The following PRKCA variants were observed in gnomAD, a reference collection of about 807,000 sequenced individuals.
PRKCA encodes protein kinase C alpha type.
In PRKCA, 27 loss-of-function variants were observed where a neutral mutation model predicts 87.0. That is an observed-to-expected ratio of 0.31 (90% CI 0.23 to 0.43). The LOEUF is 0.43. PRKCA is among the 20% of genes least tolerant of loss of function. PRKCA has a pLI of 1.00. For missense variants in PRKCA, 518 were observed against 852.3 expected (o/e 0.61, Z 4.88); for synonymous variants, 329 against 311.1 (o/e 1.06, Z -0.61).
intron 3 of PRKCA, among the ~76,000 whole-genome samples, chr17:66,636,050 C>T (rs911189213): frequency 6.6e-6 from 1 of 152,130 alleles, no homozygotes; most frequent in Non-Finnish European, 1.5e-5. Flanking sequence ...CTCCTGCCTC[C>T]ATCCTCAGCA....
chr17:66,619,791 A>T (rs775242140), intron 3 of PRKCA, among the ~76,000 whole-genome samples: 6 of 152,152 alleles, frequency 3.9e-5, no homozygotes, highest in Non-Finnish European at 8.8e-5. Flanking sequence ...TCCAAAAGGG[A>T]GGGAAGAAAA....
chr17:66,717,128 G>A (rs1205912033), intron 8 of PRKCA, among the ~76,000 whole-genome samples: 1 of 152,196 alleles, frequency 6.6e-6, no homozygotes, highest in Non-Finnish European at 1.5e-5. Flanking sequence ...ACATTGTACT[G>A]AAATCTAACT....
chr17:66,358,022 T>C (rs796139611), intron 2 of PRKCA, among the ~76,000 whole-genome samples: 17 of 152,354 alleles, frequency 1.1e-4, no homozygotes, highest in African/African-American at 3.8e-4. Context: ...ATGATTATAA[T>C]AGAATTGCCT....
intron 5 of PRKCA, among the ~76,000 whole-genome samples, chr17:66,663,429 C>T (rs16959906): frequency 0.099 from 15,035 of 152,140 alleles, 798 homozygotes; most frequent in Middle Eastern, 0.18. Context: ...TATTTCAGTT[C>T]GGTTTAGTCT....
intron 2 of PRKCA, among the ~76,000 whole-genome samples, chr17:66,487,915 G>A (rs1229551225): frequency 6.6e-6 from 1 of 152,058 alleles, no homozygotes; most frequent in East Asian, 1.9e-4. Flanking sequence ...TCTTCACTTT[G>A]TTTCCTTTGC....
At chr17:66,342,432 AAAT>A (rs1306396982) in intron 2 of PRKCA, among the ~76,000 whole-genome samples, 58 of 112,734 alleles carry the variant, frequency 5.1e-4, no homozygotes, top group African/African-American at 2.0e-3. Context: ...AAAAAAAATA[AAAT>A]AAAATAAATA....
At chr17:66,732,888 TCTC>T (rs1973938139) in intron 9 of PRKCA, 63 bp downstream of exon 9, 15 of 1,574,234 alleles carry the variant, frequency 9.5e-6, no homozygotes, top group South Asian at 2.3e-5. Flanking sequence ...TCAGTTTTGT[TCTC>T]CTCGTAGTTT....
chr17:66,479,376 A>G (rs575291686), intron 2 of PRKCA, among the ~76,000 whole-genome samples: 354 of 152,326 alleles, frequency 2.3e-3, no homozygotes, highest in Non-Finnish European at 3.5e-3. Context: ...GAGGTTGTGG[A>G]GAAAAAGGAA....
At chr17:66,724,674 T>G (rs1174250852) in intron 8 of PRKCA, among the ~76,000 whole-genome samples, 1 of 152,244 alleles carries the variant, frequency 6.6e-6, no homozygotes, top group Non-Finnish European at 1.5e-5. Context: ...TCTGGCCACG[T>G]TGGGCCGTGT....
chr17:66,529,798 C>G (rs1598743855), intron 3 of PRKCA, among the ~76,000 whole-genome samples: 1 of 152,146 alleles, frequency 6.6e-6, no homozygotes, highest in Non-Finnish European at 1.5e-5. Flanking sequence ...TGGCTCATGT[C>G]TTAGCTGGCT....
At chr17:66,306,751 G>A (rs1411606888) in intron 2 of PRKCA, among the ~76,000 whole-genome samples, 1 of 152,042 alleles carries the variant, frequency 6.6e-6, no homozygotes, top group African/African-American at 2.4e-5. Context: ...ATCTGTAATT[G>A]CATTTCACAC....
intron 16 of PRKCA, among the ~76,000 whole-genome samples, chr17:66,790,991 G>T (rs531665968): frequency 8.4e-5 from 12 of 143,038 alleles, no homozygotes; most frequent in Non-Finnish European, 1.5e-4. Flanking sequence ...CTGTTTGCTG[G>T]TTTTTTTTTT....
intron 3 of PRKCA, among the ~76,000 whole-genome samples, chr17:66,503,330 G>A (rs930345390): frequency 2.0e-5 from 3 of 152,146 alleles, no homozygotes; most frequent in African/African-American, 7.2e-5. Context: ...GACTTCGCAG[G>A]TTATTGCTCT....
At chr17:66,718,260 G>C (rs1973526337) in intron 8 of PRKCA, among the ~76,000 whole-genome samples, 1 of 152,138 alleles carries the variant, frequency 6.6e-6, no homozygotes, top group Non-Finnish European at 1.5e-5. Context: ...GCATCTTCTG[G>C]CTTTGCCCAC....
rs115773837 is a variant in PRKCA, at chr17:66,789,248, C to T, written c.1854+269C>T. Reference sequence around the variant, plus strand: ...TGGACAGCTGCAGAGCACCCCCGCACGACTAGGGAGTGAGGGCAGCTGTGC... The same window carrying T: ...TGGACAGCTGCAGAGCACCCCCGCATGACTAGGGAGTGAGGGCAGCTGTGC... On this transcript the variant is annotated intron_variant, in intron 16 of 16. Coordinates refer to ENST00000413366, the MANE Select transcript of PRKCA (RefSeq NM_002737.3). 2.7e-3 allele frequency among the ~76,000 whole-genome samples: 418 copies of T among 152,336 alleles called. 2 individuals are homozygous for T. Among genetic ancestry groups the T allele is most frequent in the African/African-American group, 9.5e-3 (395 of 41,584 alleles).
At chr17:66,440,988 C>T (rs1228784981) in intron 2 of PRKCA, among the ~76,000 whole-genome samples, 4 of 152,002 alleles carry the variant, frequency 2.6e-5, no homozygotes, top group African/African-American at 9.6e-5. Context: ...ATGGTGAACC[C>T]TGTCTCTACT....
chr17:66,761,762 G>A (rs1974691189), intron 13 of PRKCA, among the ~76,000 whole-genome samples: 1 of 151,984 alleles, frequency 6.6e-6, no homozygotes, highest in Non-Finnish European at 1.5e-5. Context: ...TTTGTCCAAG[G>A]ATTTCAAATA....
intron 3 of PRKCA, among the ~76,000 whole-genome samples, chr17:66,522,164 G>A (rs1967181887): frequency 6.6e-6 from 1 of 152,198 alleles, no homozygotes; most frequent in African/African-American, 2.4e-5. Context: ...TCCTGCAGGT[G>A]GATGTGGACC....
chr17:66,427,244 C>G (rs1041114854), intron 2 of PRKCA, among the ~76,000 whole-genome samples: 1 of 152,190 alleles, frequency 6.6e-6, no homozygotes, highest in African/African-American at 2.4e-5. Context: ...GTTACCCAGG[C>G]TGGTTTTGAA....
Sources: gnomAD v4.1 joint callset for allele counts (sites outside exome capture counted in the v4.1 genomes callset) on GRCh38, gnomAD v4.1.1 for gene constraint, MANE v1.5 for transcripts, NCBI Gene and HGNC (gene_info 2026-07-23, HGNC 2026-07-21) for gene names.